Variants in IMMP2L observed in about 807,000 individuals in gnomAD.
IMMP2L encodes inner mitochondrial membrane peptidase subunit 2, also known as mitochondrial inner membrane protease subunit 2.
A neutral mutation model predicts 19.3 loss-of-function variants in IMMP2L; 18 were observed. The observed-to-expected ratio is 0.93, with a 90% CI of 0.64 to 1.38. IMMP2L has a LOEUF of 1.38. IMMP2L is among the 40% of genes most tolerant of loss of function. The pLI, the probability that IMMP2L is intolerant of heterozygous loss-of-function variation, is 0.00. For missense variants in IMMP2L, 233 were observed against 218.2 expected, an observed-to-expected ratio of 1.07 and a Z score of -0.43; for synonymous variants, 76 against 73.0, an observed-to-expected ratio of 1.04 and a Z score of -0.21.
At chr7:111,270,836 T>C (rs1269574729) in intron 3 of IMMP2L, among the ~76,000 whole-genome samples, 1 of 152,220 alleles carries the variant, frequency 6.6e-6, no homozygotes, top group East Asian at 1.9e-4. Flanking sequence ...AACAATTGGA[T>C]TTTGTTTATG....
At chr7:110,926,725 T>G (rs989172801) in intron 4 of IMMP2L, among the ~76,000 whole-genome samples, 51 of 152,162 alleles carry the variant, frequency 3.4e-4, no homozygotes, top group Non-Finnish European at 6.0e-4. Flanking sequence ...CATGCTTTGG[T>G]GCTAGCACCT....
chr7:111,385,110 A>C (rs1434792379), intron 3 of IMMP2L, among the ~76,000 whole-genome samples: 1 of 152,150 alleles, frequency 6.6e-6, no homozygotes, highest in Non-Finnish European at 1.5e-5. Context: ...ACGTGTAATA[A>C]ATAAAATGTA....
At chr7:111,152,152 T>C (rs2129603289) in intron 3 of IMMP2L, among the ~76,000 whole-genome samples, 1 of 152,252 alleles carries the variant, frequency 6.6e-6, no homozygotes, top group South Asian at 2.1e-4. Context: ...GGAAGATGCA[T>C]ACATGGTATT....
intron 3 of IMMP2L, among the ~76,000 whole-genome samples, chr7:111,324,434 G>A (rs992091839): frequency 2.0e-5 from 3 of 151,850 alleles, no homozygotes; most frequent in Non-Finnish European, 2.9e-5. Flanking sequence ...GCCTAAAAAG[G>A]GAAGTAAAAC....
chr7:111,260,706 T>C (rs183830877), intron 3 of IMMP2L, among the ~76,000 whole-genome samples: 48 of 152,228 alleles, frequency 3.2e-4, no homozygotes, highest in African/African-American at 1.1e-3. Context: ...AATAAGTCAT[T>C]TTCATGTGAA....
chr7:111,354,912 T>C (rs1828544994), intron 3 of IMMP2L, among the ~76,000 whole-genome samples: 1 of 151,786 alleles, frequency 6.6e-6, no homozygotes, highest in Admixed American at 6.6e-5. Context: ...CGACAAAAAG[T>C]TAAATCCCTA....
chr7:111,558,910 TTTTC>T (rs1791690802), intron 1 of IMMP2L, among the ~76,000 whole-genome samples: 1 of 152,176 alleles, frequency 6.6e-6, no homozygotes, highest in African/African-American at 2.4e-5. Context: ...TAAGTAAGGC[TTTTC>T]TTTAAGAATA....
intron 3 of IMMP2L, among the ~76,000 whole-genome samples, chr7:111,273,908 C>G (rs765995984): frequency 2.0e-5 from 3 of 152,102 alleles, no homozygotes; most frequent in African/African-American, 7.2e-5. Context: ...TGATTTATAA[C>G]AAACTCCATT....
At chr7:110,712,094 T>C (rs1357016773) in intron 5 of IMMP2L, among the ~76,000 whole-genome samples, 5 of 74,016 alleles carry the variant, frequency 6.8e-5, no homozygotes, top group African/African-American at 2.0e-4. Context: ...CTCTGCGTTT[T>C]AGAGTTTCCA....
intron 3 of IMMP2L, among the ~76,000 whole-genome samples, chr7:111,463,861 A>C (rs936918657): frequency 1.3e-5 from 2 of 152,206 alleles, no homozygotes; most frequent in Non-Finnish European, 2.9e-5. Flanking sequence ...GGGATAAGTC[A>C]ATTCTTTAGA....
chr7:110,989,643 G>T (rs1007374480), intron 3 of IMMP2L, among the ~76,000 whole-genome samples: 3 of 146,982 alleles, frequency 2.0e-5, no homozygotes, highest in Non-Finnish European at 4.5e-5. Flanking sequence ...AATATTTATT[G>T]TACTTATAAT....
intron 5 of IMMP2L, among the ~76,000 whole-genome samples, chr7:110,827,676 G>C (rs930296796): frequency 2.6e-5 from 4 of 152,118 alleles, no homozygotes; most frequent in Middle Eastern, 3.2e-3. Flanking sequence ...CTGGAATCAG[G>C]GGCTTGACAA....
At chr7:110,677,822 G>C (rs535303333) in intron 5 of IMMP2L, among the ~76,000 whole-genome samples, 1 of 152,130 alleles carries the variant, frequency 6.6e-6, no homozygotes, top group East Asian at 1.9e-4. Flanking sequence ...GTTAGTACAG[G>C]GAGGAAGGAG....
At chr7:110,817,451 T>G (rs202175064) in intron 5 of IMMP2L, among the ~76,000 whole-genome samples, 35 of 151,924 alleles carry the variant, frequency 2.3e-4, no homozygotes, top group African/African-American at 4.1e-4. Flanking sequence ...CACTGCTCAA[T>G]GAAATAAAAG....
chr7:110,720,797 A>G (rs747632302), intron 5 of IMMP2L, among the ~76,000 whole-genome samples: 24 of 152,116 alleles, frequency 1.6e-4, no homozygotes, highest in Non-Finnish European at 2.9e-4. Flanking sequence ...CTTTTAAAAT[A>G]CCAAGGAAAC....
intron 3 of IMMP2L, among the ~76,000 whole-genome samples, chr7:111,088,812 T>G (rs958180791): frequency 6.6e-6 from 1 of 152,186 alleles, no homozygotes; most frequent in African/African-American, 2.4e-5. Flanking sequence ...AGTTAAGGAC[T>G]GAACGCCCTG....
intron 3 of IMMP2L, among the ~76,000 whole-genome samples, chr7:111,459,877 T>A (rs1053414043): frequency 1.9e-4 from 29 of 152,230 alleles, no homozygotes; most frequent in African/African-American, 6.0e-4. Context: ...TATGGAGCAA[T>A]AAAGGAAATT....
chr7:111,483,754 T>C (rs749620722), intron 3 of IMMP2L: 7 of 152,148 alleles, frequency 4.6e-5, no homozygotes, highest in South Asian at 2.1e-4. Flanking sequence ...ACATAGACAA[T>C]TGGTAAGTGG....
chr7:110,701,704 T>C (rs115512329), intron 5 of IMMP2L, among the ~76,000 whole-genome samples: 3,312 of 152,194 alleles, frequency 0.022, 106 homozygotes, highest in African/African-American at 0.074. Context: ...GAACTACAGG[T>C]GTGAGCCACC....
Sources: allele counts gnomAD v4.1 joint callset (sites outside exome capture counted in the v4.1 genomes callset), GRCh38; gene constraint gnomAD v4.1.1; transcripts MANE v1.5; gene names NCBI Gene and HGNC (gene_info 2026-07-23, HGNC 2026-07-21).